Variants in CNGA1 observed in about 807,000 individuals in gnomAD.
CNGA1 encodes cyclic nucleotide gated channel subunit alpha 1.
In CNGA1, 53 loss-of-function variants were observed where a neutral mutation model predicts 69.7. That is an observed-to-expected ratio of 0.76 (90% confidence interval 0.61 to 0.96). CNGA1 has a LOEUF of 0.96. CNGA1 is among the 40% of genes least tolerant of loss of function. CNGA1 has a pLI of 0.00. For missense variants in CNGA1, 739 were observed against 811.2 expected, an observed-to-expected ratio of 0.91 and a Z score of 1.08; for synonymous variants, 249 against 283.5, an observed-to-expected ratio of 0.88 and a Z score of 1.22.
chr4:47,946,537 C>A (rs1739407187), intron 6 of CNGA1, among the ~76,000 whole-genome samples: 1 of 152,186 alleles, frequency 6.6e-6, no homozygotes, highest in South Asian at 2.1e-4. Flanking sequence ...TTTCTCAGAG[C>A]ACCACATTAG....
rs1057310542 is a variant in CNGA1, at chr4:47,972,099, T to C, written c.-15+9294A>G. ...CATGTATTTTAAGTTTGCAAAGCAG[T>C]ATCTTCCTCTATGCATAATTCTGCA... On this transcript the variant is annotated intron_variant, in intron 3 of 10. Coordinates refer to ENST00000514170, the MANE Select transcript of CNGA1 (RefSeq NM_001379270.1). Among the ~76,000 whole-genome samples, 16 of 152,328 alleles carry C rather than the reference T, an allele frequency of 1.1e-4. No homozygotes were observed. In the East Asian group the frequency reaches 2.7e-3, roughly 26 times the overall value.
At chr4:48,001,063 T>C (rs1714646169) in intron 2 of CNGA1, among the ~76,000 whole-genome samples, 2 of 152,184 alleles carry the variant, frequency 1.3e-5, no homozygotes, top group Admixed American at 1.3e-4. Context: ...ATTTTCAGAT[T>C]GGTTACAAAA....
At chr4:47,956,715 C>T (rs765591103) in intron 3 of CNGA1, among the ~76,000 whole-genome samples, 59 of 151,794 alleles carry the variant, frequency 3.9e-4, no homozygotes, top group African/African-American at 3.4e-4. Flanking sequence ...AAGGACAGAA[C>T]GGGAAATGTG....
At chr4:47,940,563 G>A (rs183058708) in intron 10 of CNGA1, among the ~76,000 whole-genome samples, 200 bp downstream of exon 10, 11 of 152,278 alleles carry the variant, frequency 7.2e-5, no homozygotes, top group Admixed American at 3.9e-4. Context: ...AAAGTTGCCT[G>A]GTAACTTCCT....
In CNGA1 at chr4:47,975,432, A is replaced by C. The variant is rs146869751; in HGVS notation, c.-15+5961T>G. 2.7e-3 allele frequency among the ~76,000 whole-genome samples: 407 copies of C among 152,330 alleles called. 2 individuals carry two copies. Among genetic ancestry groups the C allele is most frequent in the Middle Eastern group, 0.014 (4 of 294 alleles). On this transcript the variant is annotated intron_variant, in intron 3 of 10. Coordinates refer to ENST00000514170, the MANE Select transcript of CNGA1 (RefSeq NM_001379270.1). ...TCATCATCTTCACAATTCACAGAAA[A>C]TGTTAAAGTAGTATCTACAATACAA...
intron 2 of CNGA1, among the ~76,000 whole-genome samples, chr4:47,984,525 G>A (rs1741889925): frequency 6.6e-6 from 1 of 151,888 alleles, no homozygotes; most frequent in Non-Finnish European, 1.5e-5. Context: ...GGCTGAGGCA[G>A]GAGAATTGCT....
At chr4:48,009,436 G>C (rs1306574151) in intron 2 of CNGA1, among the ~76,000 whole-genome samples, 3 of 143,824 alleles carry the variant, frequency 2.1e-5, no homozygotes, top group African/African-American at 7.8e-5. Flanking sequence ...CTGCACTCCA[G>C]CCTGGGCAAC....
intron 3 of CNGA1, among the ~76,000 whole-genome samples, chr4:47,958,345 C>T (rs1369277365): frequency 3.3e-5 from 5 of 152,054 alleles, no homozygotes; most frequent in African/African-American, 7.2e-5. Context: ...ATCAATGAGG[C>T]CAGGCGTGGT....
rs1357232779 is a variant in CNGA1, at chr4:47,943,390, T to C, written c.310A>G (p.Lys104Glu). 6.6e-7 allele frequency: 1 copy of C among 1,509,264 alleles called. No individual in the cohort carries two copies. Among genetic ancestry groups the C allele is most frequent in the Admixed American group, 2.3e-5 (1 of 43,898 alleles). The allele number at this position is 1,509,264 out of a possible 1,614,324, so 93.5% of individuals were successfully genotyped here. A position where few individuals can be genotyped will look rare whatever the true frequency, so the allele number is the denominator to read the frequency against. The stretch of plus-strand genomic sequence containing the variant: ...TCTTACCTCTTCTTTTCTTTTTTCT[T>C]TTTCTTTTTTTCTTCTGGTTCCCTA... Reference protein sequence around the residue: ...KDQEPEEKKKKKKEKKSKSDD... With the variant: ...KDQEPEEKKKEKKEKKSKSDD... The change falls in exon 7 of 11, where the codon AAG becomes GAG. Residue 104 changes from lysine (K) to glutamate (E), a missense_variant. Lys to Glu is a moderately conservative substitution (Grantham distance 56, BLOSUM62 1). Coordinates refer to ENST00000514170, the MANE Select transcript of CNGA1 (RefSeq NM_001379270.1).
chr4:48,003,658 T>C (rs1034672396), intron 2 of CNGA1, among the ~76,000 whole-genome samples: 1 of 152,166 alleles, frequency 6.6e-6, no homozygotes, highest in Non-Finnish European at 1.5e-5. Context: ...TCTATAATCA[T>C]AACCTAGGAA....
chr4:47,943,173 G>A lies in CNGA1; in HGVS notation c.437+8C>T, dbSNP rs1353072049. On this transcript the variant is annotated splice_region_variant and intron_variant, in intron 8 of 10. Transcript: ENST00000514170. Reference sequence around the variant, plus strand: ...TCCTTCTATTTCAATGCCACTAAAAGTGCTTACTCTTCTTTCTTATCTTTG... The same window carrying A: ...TCCTTCTATTTCAATGCCACTAAAAATGCTTACTCTTCTTTCTTATCTTTG... 1 of 1,574,972 alleles carries A rather than the reference G, an allele frequency of 6.3e-7. No homozygotes were observed. Among genetic ancestry groups the A allele is most frequent in the Non-Finnish European group, 8.7e-7 (1 of 1,147,578 alleles).
chr4:47,985,737 A>C (rs569482537), intron 2 of CNGA1, among the ~76,000 whole-genome samples: 95 of 151,422 alleles, frequency 6.3e-4, no homozygotes, highest in Non-Finnish European at 1.2e-3. Context: ...TAGCTCTCAC[A>C]CTTCCTTCGT....
intron 2 of CNGA1, among the ~76,000 whole-genome samples, chr4:48,009,461 T>C (rs1229780713): frequency 2.1e-5 from 2 of 94,214 alleles, no homozygotes; most frequent in Non-Finnish European, 4.4e-5. Flanking sequence ...CCAGAGTCTG[T>C]CTCAAAAAAA....
chr4:47,955,173 C>CTTTTTTTTTTTTTT (rs377338639), intron 3 of CNGA1, among the ~76,000 whole-genome samples: 53 of 98,190 alleles, frequency 5.4e-4, no homozygotes, highest in Non-Finnish European at 8.2e-4. Flanking sequence ...TTTTTCTTTT[C>CTTTTTTTTTTTTTT]TTTTTTTTTT....
intron 2 of CNGA1, among the ~76,000 whole-genome samples, chr4:47,982,958 C>T (rs1741798330): frequency 6.6e-6 from 1 of 152,060 alleles, no homozygotes; most frequent in African/African-American, 2.4e-5. Flanking sequence ...ATGTGTGCTA[C>T]CAAGCCCAGA....
chr4:47,974,153 ATAAAAT>A (rs1301259033), intron 3 of CNGA1, among the ~76,000 whole-genome samples: 3 of 151,730 alleles, frequency 2.0e-5, no homozygotes, highest in Non-Finnish European at 4.4e-5. Flanking sequence ...AACTTTAAAA[ATAAAAT>A]TTAAAAAAGA....
chr4:47,974,141 A>G (rs1338657759), intron 3 of CNGA1, among the ~76,000 whole-genome samples: 1 of 152,024 alleles, frequency 6.6e-6, no homozygotes, highest in Non-Finnish European at 1.5e-5. Flanking sequence ...ATAGCTAGAT[A>G]AAACTTTAAA....
intron 3 of CNGA1, among the ~76,000 whole-genome samples, chr4:47,969,468 T>C (rs1293903159): frequency 6.6e-6 from 1 of 152,110 alleles, no homozygotes; most frequent in Admixed American, 6.6e-5. Context: ...TTTTTTGTTT[T>C]TTCGTTTTTT....
rs140065833 is a variant in CNGA1, at chr4:47,992,976, T to C, written c.-122-11476A>G. 2.7e-3 allele frequency among the ~76,000 whole-genome samples: 407 copies of C among 152,320 alleles called. 2 individuals are homozygous for C. Among genetic ancestry groups the C allele is most frequent in the Middle Eastern group, 0.014 (4 of 294 alleles). On this transcript the variant is annotated intron_variant, in intron 2 of 10. Transcript: ENST00000514170. The stretch of plus-strand genomic sequence containing the variant: ...TGTGATTTTTGTTCTTAATTCTCTT[T>C]ATGTGGTGTATCACATTTATTGACT...
Sources: gnomAD v4.1 joint callset for allele counts (sites outside exome capture counted in the v4.1 genomes callset) on GRCh38, gnomAD v4.1.1 for gene constraint, MANE v1.5 for transcripts, NCBI Gene and HGNC (gene_info 2026-07-23, HGNC 2026-07-21) for gene names.